The following CPNE4 variants were observed in gnomAD, a reference collection of about 807,000 sequenced individuals.
The protein encoded by CPNE4 is copine 4.
A neutral mutation model predicts 67.9 loss-of-function variants in CPNE4; 25 were observed. The observed-to-expected ratio is 0.37, with a 90% confidence interval of 0.27 to 0.51. The LOEUF (loss-of-function observed/expected upper bound fraction) is 0.51. Ranked by LOEUF, CPNE4 falls within the 20% of genes least tolerant of loss-of-function variation. The pLI is 0.93. For synonymous variants in CPNE4, 242 were observed against 244.9 expected, an observed-to-expected ratio of 0.99 and a Z score of 0.11; for missense variants, 464 against 690.8, an observed-to-expected ratio of 0.67 and a Z score of 3.68.
rs772416586 is a variant in CPNE4 at position 131,871,677 on chromosome 3, C to T, written c.180+33587G>A. 5.9e-5 allele frequency among the ~76,000 whole-genome samples: 9 copies of T among 152,262 alleles called. No individual in the cohort carries two copies. The South Asian group carries it at 6.2e-4, about 11-fold the overall frequency. ...TCTTCAGTCTGACCGATACCAACTT[C>T]GGTTTTCTTGTGGAAAAAATAAGGA... On this transcript the variant is annotated intron_variant, in intron 2 of 15. Transcript: ENST00000429747.
chr3:131,596,565 T>C lies in CPNE4; in HGVS notation c.682-8983A>G, dbSNP rs369772146. Among the ~76,000 whole-genome samples, 115 of 92,454 alleles carry C rather than the reference T, an allele frequency of 1.2e-3. 9 individuals carry two copies. The East Asian group carries it at 0.029, about 23-fold the overall frequency. 60.7% of individuals were successfully genotyped at this position (92,454 alleles called of 152,430 possible). A position where few individuals can be genotyped will look rare whatever the true frequency, so the allele number is the denominator to read the frequency against. On this transcript the variant is annotated intron_variant, in intron 7 of 15. Transcript: ENST00000429747. ...TGAACCCGGGAGGCGGAGCTTGCAG[T>C]GAGCCGAGATCCCGCCACTGCACTC...
At chr3:131,955,075 T>C (rs1471275855) in intron 1 of CPNE4, among the ~76,000 whole-genome samples, 1 of 150,254 alleles carries the variant, frequency 6.7e-6, no homozygotes, top group Non-Finnish European at 1.5e-5. Context: ...TGTAACCATA[T>C]GGTTAAGTTC....
intron 7 of CPNE4, among the ~76,000 whole-genome samples, chr3:131,623,967 C>T (rs1448536297): frequency 6.6e-6 from 1 of 152,134 alleles, no homozygotes; most frequent in Non-Finnish European, 1.5e-5. Context: ...AGTATAGCTC[C>T]TTTTCTCCTT....
intron 8 of CPNE4, 80 bp from the exon 9 acceptor site, chr3:131,581,745 T>C (rs2107692119): frequency 2.0e-6 from 2 of 983,800 alleles, no homozygotes; most frequent in East Asian, 2.4e-5. Context: ...TAGGTGCTGC[T>C]GAGGACAAAC....
At chr3:131,556,476 C>G (rs1212171819) in intron 11 of CPNE4, among the ~76,000 whole-genome samples, 2 of 152,054 alleles carry the variant, frequency 1.3e-5, no homozygotes, top group Non-Finnish European at 2.9e-5. Flanking sequence ...TTATCACATA[C>G]AAGCGGTGAT....
chr3:131,801,735 C>T (rs1034954915), intron 2 of CPNE4, among the ~76,000 whole-genome samples: 44 of 150,508 alleles, frequency 2.9e-4, no homozygotes, highest in African/African-American at 9.0e-4. Flanking sequence ...AGAGTATAAA[C>T]TGTAGTGTAC....
rs1355497200 is a variant in CPNE4 at position 131,905,455 on chromosome 3, C to A, written c.-1-11G>T. ...CTCATCTTCTTCATTCTGTTTTAGG[C>A]AAGTAAAAGAATAAAAAAGAAGTGC... On this transcript the variant is annotated splice_polypyrimidine_tract_variant and intron_variant, in intron 1 of 15. Coordinates refer to ENST00000429747, the MANE Select transcript of CPNE4 (RefSeq NM_130808.3). 6.2e-7 allele frequency: 1 copy of A among 1,602,582 alleles called. No homozygotes were observed. Among genetic ancestry groups the A allele is most frequent in the East Asian group, 2.2e-5 (1 of 44,536 alleles).
intron 1 of CPNE4, among the ~76,000 whole-genome samples, chr3:131,998,502 G>A (rs1050753531): frequency 1.3e-5 from 2 of 152,134 alleles, no homozygotes; most frequent in African/African-American, 2.4e-5. Flanking sequence ...TAGGATGGAT[G>A]CTGCGAATCC....
intron 2 of CPNE4, among the ~76,000 whole-genome samples, chr3:131,767,113 C>T (rs187777366): frequency 4.5e-4 from 68 of 152,200 alleles, no homozygotes; most frequent in East Asian, 5.8e-4. Flanking sequence ...GAAATCTAAA[C>T]GTAGGCATTA....
chr3:131,958,683 G>A (rs1323242053), intron 1 of CPNE4, among the ~76,000 whole-genome samples: 2 of 133,256 alleles, frequency 1.5e-5, no homozygotes, highest in Non-Finnish European at 3.1e-5. Flanking sequence ...GGAGCACAAT[G>A]GCACGATCTT....
intron 7 of CPNE4, among the ~76,000 whole-genome samples, chr3:131,601,848 G>C (rs915733676): frequency 6.6e-6 from 1 of 152,142 alleles, no homozygotes; most frequent in African/African-American, 2.4e-5. Flanking sequence ...TGCCCTAGGA[G>C]ATGCGGGGGA....
chr3:131,794,957 G>A (rs2083879452), intron 2 of CPNE4, among the ~76,000 whole-genome samples: 1 of 152,208 alleles, frequency 6.6e-6, no homozygotes, highest in Admixed American at 6.5e-5. Flanking sequence ...AACCACCAGA[G>A]GGAACATTTT....
chr3:131,675,024 T>C (rs1207323349), intron 6 of CPNE4, among the ~76,000 whole-genome samples: 1 of 152,122 alleles, frequency 6.6e-6, no homozygotes, highest in Non-Finnish European at 1.5e-5. Context: ...TATTCATTTG[T>C]TTTAAGAAAT....
intron 2 of CPNE4, among the ~76,000 whole-genome samples, chr3:131,760,779 A>C (rs151082832): frequency 1.8e-4 from 28 of 152,286 alleles, no homozygotes; most frequent in African/African-American, 6.5e-4. Flanking sequence ...TTTCTTTTTA[A>C]AAGGGCAATT....
chr3:131,769,728 T>C (rs13073362), intron 2 of CPNE4, among the ~76,000 whole-genome samples: 30,878 of 152,100 alleles, frequency 0.2, 3,841 homozygotes, highest in Middle Eastern at 0.27. Context: ...GTCTTAAAAT[T>C]TACATTGCAA....
chr3:131,810,814 A>C (rs1373458623), intron 2 of CPNE4, among the ~76,000 whole-genome samples: 1 of 152,140 alleles, frequency 6.6e-6, no homozygotes, highest in Non-Finnish European at 1.5e-5. Flanking sequence ...GTGGATAAAG[A>C]AAATGTGGTG....
intron 2 of CPNE4, among the ~76,000 whole-genome samples, chr3:131,865,212 T>C (rs1400891327): frequency 6.6e-6 from 1 of 152,218 alleles, no homozygotes; most frequent in African/African-American, 2.4e-5. Context: ...AGGATAATGC[T>C]GGCCTCATAA....
rs574002272 is a variant in CPNE4, at chr3:131,877,246, C to T, written c.180+28018G>A. Among the ~76,000 whole-genome samples the T allele has an allele frequency of 1.6e-4, 24 of 152,198 alleles. No homozygotes were observed. The East Asian group carries it at 1.9e-3, about 12-fold the overall frequency. On this transcript the variant is annotated intron_variant, in intron 2 of 15. Transcript: ENST00000429747. ...GGATGATACAGCCTTCTGCCCGTTACAATTTTTCCTGCCTAAAATGTCGAT... is the reference window on the plus strand; with the variant it reads ...GGATGATACAGCCTTCTGCCCGTTATAATTTTTCCTGCCTAAAATGTCGAT...
At chr3:131,781,463 A>T (rs1453425120) in intron 2 of CPNE4, among the ~76,000 whole-genome samples, 1 of 152,006 alleles carries the variant, frequency 6.6e-6, no homozygotes, top group Non-Finnish European at 1.5e-5. Context: ...TGAACAAATA[A>T]TAAATGAACA....
Sources: allele counts gnomAD v4.1 joint callset (sites outside exome capture counted in the v4.1 genomes callset), GRCh38; gene constraint gnomAD v4.1.1; transcripts MANE v1.5; gene names NCBI Gene and HGNC (gene_info 2026-07-23, HGNC 2026-07-21).